PALLD: variants seen among roughly 807,000 people sequenced by gnomAD.
PALLD encodes the protein palladin, cytoskeletal associated protein, also known as palladin.
In PALLD, 61 loss-of-function variants were observed where a neutral mutation model predicts 123.5. That is an observed-to-expected ratio of 0.49 (90% CI 0.40 to 0.61). PALLD has a LOEUF of 0.61. Ranked by LOEUF, PALLD falls within the 20% of genes least tolerant of loss-of-function variation. The pLI, the probability that PALLD is intolerant of heterozygous loss-of-function variation, is 0.00. For missense variants in PALLD, 1,273 were observed against 1,377.0 expected (o/e 0.92, Z 1.20); for synonymous variants, 465 against 496.4 (o/e 0.94, Z 0.84).
intron 10 of PALLD, among the ~76,000 whole-genome samples, chr4:168,857,281 C>T (rs1235215307): frequency 6.6e-6 from 1 of 152,224 alleles, no homozygotes; most frequent in Admixed American, 6.5e-5. Context: ...TCATTGTTTG[C>T]TTACCCTAAT....
intron 10 of PALLD, among the ~76,000 whole-genome samples, chr4:168,730,317 C>G (rs142495193): frequency 1.1e-4 from 16 of 152,140 alleles, no homozygotes; most frequent in African/African-American, 2.9e-4. Context: ...TTCTCATTCT[C>G]TATATTCTTT....
chr4:168,922,149 T>G (rs1293165196), intron 18 of PALLD, among the ~76,000 whole-genome samples: 2 of 146,314 alleles, frequency 1.4e-5, no homozygotes, highest in African/African-American at 5.1e-5. Context: ...ACACACCTGG[T>G]TTTTAAAACA....
At chr4:168,537,224 G>A (rs1765188344) in intron 2 of PALLD, among the ~76,000 whole-genome samples, 2 of 152,156 alleles carry the variant, frequency 1.3e-5, no homozygotes, top group Admixed American at 6.5e-5. Flanking sequence ...CTTAGGGTGA[G>A]AACACAGGAC....
At chr4:168,688,918 T>G (rs1370093368) in intron 6 of PALLD, among the ~76,000 whole-genome samples, 1 of 152,212 alleles carries the variant, frequency 6.6e-6, no homozygotes, top group African/African-American at 2.4e-5. Flanking sequence ...ATTTAATAGG[T>G]TAATCCGTAG....
chr4:168,646,648 G>C lies in PALLD; in HGVS notation c.909-21542G>C, dbSNP rs532909571. On this transcript the variant is annotated intron_variant, in intron 2 of 21. Transcript: ENST00000505667. ...CTGGCCCACAGCCACCACACAGCTT[G>C]GGGCCTCTGGTTTCCCCGTGGTATC... 2.2e-4 allele frequency among the ~76,000 whole-genome samples: 34 copies of C among 152,328 alleles called. No individual in the cohort carries two copies. In the East Asian group the frequency reaches 6.6e-3, roughly 29 times the overall value.
intron 2 of PALLD, among the ~76,000 whole-genome samples, chr4:168,524,957 T>C (rs1459243442): frequency 6.6e-6 from 1 of 152,210 alleles, no homozygotes; most frequent in Non-Finnish European, 1.5e-5. Flanking sequence ...AAAGCCATTT[T>C]GCTGGGTTTC....
intron 2 of PALLD, among the ~76,000 whole-genome samples, chr4:168,558,066 A>G (rs900611110): frequency 1.3e-5 from 2 of 152,060 alleles, no homozygotes; most frequent in African/African-American, 2.4e-5. Context: ...CTCATTACCA[A>G]TGGCCATTTG....
chr4:168,866,815 G>A (rs1206605717), intron 10 of PALLD, among the ~76,000 whole-genome samples: 1 of 152,176 alleles, frequency 6.6e-6, no homozygotes, highest in African/African-American at 2.4e-5. Flanking sequence ...TGCATGGAAT[G>A]TGTTCAGGAC....
chr4:168,511,361 G>T, intron 1 of PALLD, 62 bp from the exon 2 acceptor site: 1 of 650,848 alleles, frequency 1.5e-6, no homozygotes, highest in South Asian at 1.8e-5. Context: ...TGACTTACAA[G>T]TTTTATGATT....
chr4:168,888,125 C>T (rs918231294), intron 10 of PALLD, among the ~76,000 whole-genome samples: 7 of 152,146 alleles, frequency 4.6e-5, no homozygotes, highest in Non-Finnish European at 5.9e-5. Context: ...AAACTATGCA[C>T]GTGTTTGTTA....
intron 10 of PALLD, among the ~76,000 whole-genome samples, chr4:168,744,445 G>A (rs1788660643): frequency 6.6e-6 from 1 of 152,106 alleles, no homozygotes; most frequent in South Asian, 2.1e-4. Context: ...TGTGTCTCTA[G>A]GCTATAGAGC....
chr4:168,913,578 C>A (rs1759487927), intron 15 of PALLD, among the ~76,000 whole-genome samples: 1 of 152,066 alleles, frequency 6.6e-6, no homozygotes, highest in Non-Finnish European at 1.5e-5. Flanking sequence ...AGACTGATGT[C>A]CTCCTGCTAT....
chr4:168,777,199 C>T (rs529787758), intron 10 of PALLD, among the ~76,000 whole-genome samples: 5 of 152,092 alleles, frequency 3.3e-5, no homozygotes, highest in Non-Finnish European at 7.4e-5. Context: ...GACTTTTCAA[C>T]CTTCCTGAGT....
intron 10 of PALLD, among the ~76,000 whole-genome samples, chr4:168,807,455 A>C (rs1432549478): frequency 6.6e-6 from 1 of 151,914 alleles, no homozygotes; most frequent in Admixed American, 6.6e-5. Flanking sequence ...TGTTGCCCAG[A>C]CTGGAGTGCA....
intron 2 of PALLD, among the ~76,000 whole-genome samples, chr4:168,543,886 G>T (rs544003502): frequency 4.7e-4 from 71 of 152,296 alleles, no homozygotes; most frequent in African/African-American, 1.7e-3. Context: ...TTCTAGTTTT[G>T]CTCACTCATT....
intron 10 of PALLD, among the ~76,000 whole-genome samples, chr4:168,875,256 C>A (rs1457844930): frequency 6.6e-6 from 1 of 152,038 alleles, no homozygotes; most frequent in Non-Finnish European, 1.5e-5. Context: ...CAAATAACTT[C>A]TAAGTAATTT....
At chr4:168,520,035 T>C (rs1316562776) in intron 2 of PALLD, among the ~76,000 whole-genome samples, 3 of 152,106 alleles carry the variant, frequency 2.0e-5, no homozygotes, top group Non-Finnish European at 4.4e-5. Flanking sequence ...CATAAGAGAA[T>C]GGCACCTTTC....
intron 10 of PALLD, among the ~76,000 whole-genome samples, chr4:168,808,742 C>T (rs114981803): frequency 0.011 from 1,665 of 152,196 alleles, 56 homozygotes; most frequent in East Asian, 0.078. Flanking sequence ...GCATGAGAGC[C>T]GATGGAAACG....
intron 17 of PALLD, among the ~76,000 whole-genome samples, chr4:168,920,971 T>G (rs1033051368): frequency 6.6e-6 from 1 of 152,168 alleles, no homozygotes; most frequent in Non-Finnish European, 1.5e-5. Context: ...GGTAAGACCA[T>G]GACAGCAATT....
Sources: allele counts gnomAD v4.1 joint callset (sites outside exome capture counted in the v4.1 genomes callset), GRCh38; gene constraint gnomAD v4.1.1; transcripts MANE v1.5; gene names NCBI Gene and HGNC (gene_info 2026-07-23, HGNC 2026-07-21).